The following THRB variants were observed in gnomAD, a reference collection of about 807,000 sequenced individuals.
THRB encodes the protein thyroid hormone receptor beta, also known as nuclear receptor subfamily 1 group A member 2.
THRB carries 12 observed loss-of-function variants against 47.8 expected under a neutral mutation model. That is an observed-to-expected ratio of 0.25 (90% CI 0.16 to 0.41). The LOEUF (loss-of-function observed/expected upper bound fraction) is 0.41. THRB is among the 10% of genes least tolerant of loss of function. The pLI, the probability that THRB is intolerant of heterozygous loss-of-function variation, is 1.00. For synonymous variants in THRB, 218 were observed against 212.2 expected, an observed-to-expected ratio of 1.03 and a Z score of -0.24; for missense variants, 348 against 589.2, an observed-to-expected ratio of 0.59 and a Z score of 4.24.
chr3:24,420,479 A>T (rs1447449357), intron 1 of THRB, among the ~76,000 whole-genome samples: 1 of 151,920 alleles, frequency 6.6e-6, no homozygotes, highest in Non-Finnish European at 1.5e-5. Flanking sequence ...ATTCAACCTC[A>T]GCTATTCTAC....
intron 5 of THRB, among the ~76,000 whole-genome samples, chr3:24,167,757 A>G (rs991995680): frequency 3.3e-5 from 5 of 152,138 alleles, no homozygotes; most frequent in Non-Finnish European, 7.4e-5. Context: ...AATCCAAGCA[A>G]TTTCTTGCTT....
At chr3:24,398,393 C>T (rs1460507765) in intron 1 of THRB, among the ~76,000 whole-genome samples, 2 of 152,276 alleles carry the variant, frequency 1.3e-5, no homozygotes, top group Non-Finnish European at 2.9e-5. Context: ...AAGAAAAAAA[C>T]AACCCCATCA....
intron 1 of THRB, among the ~76,000 whole-genome samples, chr3:24,466,789 C>T (rs954019721): frequency 6.6e-6 from 1 of 152,052 alleles, no homozygotes; most frequent in African/African-American, 2.4e-5. Flanking sequence ...TTATCTGAGC[C>T]TTTAGTGAGT....
chr3:24,416,372 T>C (rs2068732998), intron 1 of THRB, among the ~76,000 whole-genome samples: 1 of 151,742 alleles, frequency 6.6e-6, no homozygotes, highest in Non-Finnish European at 1.5e-5. Flanking sequence ...GATGAAGATA[T>C]CTTCAAGGGC....
chr3:24,338,996 C>A (rs1018155389), intron 1 of THRB, among the ~76,000 whole-genome samples: 3 of 152,160 alleles, frequency 2.0e-5, no homozygotes, highest in Admixed American at 6.5e-5. Context: ...GAAGCTTATT[C>A]AAAGAGGATT....
At chr3:24,420,243 T>C (rs2150280767) in intron 1 of THRB, among the ~76,000 whole-genome samples, 1 of 152,044 alleles carries the variant, frequency 6.6e-6, no homozygotes, top group East Asian at 1.9e-4. Context: ...TGGGGCCATT[T>C]GCTCAGAAGC....
At chr3:24,284,219 G>T (rs1576542470) in intron 3 of THRB, among the ~76,000 whole-genome samples, 10 of 151,036 alleles carry the variant, frequency 6.6e-5, no homozygotes, top group Admixed American at 5.3e-4. Context: ...CATGGTACTG[G>T]TACCAAAACA....
At chr3:24,286,682 C>T (rs1233530688) in intron 3 of THRB, among the ~76,000 whole-genome samples, 2 of 152,166 alleles carry the variant, frequency 1.3e-5, no homozygotes, top group African/African-American at 2.4e-5. Context: ...TGTTGAAACT[C>T]AGTTTCAAAG....
chr3:24,465,655 T>C (rs1037804046), intron 1 of THRB, among the ~76,000 whole-genome samples: 1 of 152,172 alleles, frequency 6.6e-6, no homozygotes, highest in African/African-American at 2.4e-5. Context: ...CTGCACACCT[T>C]GGCCTCCCAA....
intron 3 of THRB, among the ~76,000 whole-genome samples, chr3:24,246,714 CA>C (rs1277931583): frequency 1.3e-5 from 2 of 152,084 alleles, no homozygotes; most frequent in Non-Finnish European, 1.5e-5. Context: ...TACTTTCCCT[CA>C]AAAAATATAG....
intron 1 of THRB, among the ~76,000 whole-genome samples, chr3:24,426,590 C>G (rs543918645): frequency 1.3e-5 from 2 of 152,064 alleles, no homozygotes; most frequent in East Asian, 1.9e-4. Flanking sequence ...CCGAGATGCT[C>G]TAAGACAGGT....
rs529099599 is a variant in THRB, at chr3:24,442,622, C to T, written c.-261+52030G>A. On this transcript the variant is annotated intron_variant, in intron 1 of 10. Transcript: ENST00000646209. ...GGCAGATCACCTGAGGTCGGGAGCT[C>T]GAGACCAGCCTGACCAACATGGAGA... is the stretch of plus-strand genomic sequence containing the variant. Among the ~76,000 whole-genome samples the T allele has an allele frequency of 1.0e-3, 157 of 151,872 alleles. 1 individual carries two copies. The highest frequency in any genetic ancestry group is 6.8e-3 in the Middle Eastern group (2 of 292).
chr3:24,265,461 G>A (rs989981383), intron 3 of THRB, among the ~76,000 whole-genome samples: 3 of 152,212 alleles, frequency 2.0e-5, no homozygotes, highest in African/African-American at 7.2e-5. Context: ...AAAAATTAGT[G>A]AGGGACATAT....
chr3:24,397,759 A>C (rs1325155071), intron 1 of THRB, among the ~76,000 whole-genome samples: 1 of 151,724 alleles, frequency 6.6e-6, no homozygotes, highest in East Asian at 1.9e-4. Context: ...ATTTTTTTGT[A>C]TTTTTAGTAG....
rs577971527 is a variant in THRB at position 24,442,083 on chromosome 3, C to T, written c.-261+52569G>A. ...TGTAGTATCCTTTTTTCAGGGACTC[C>T]TGTGCTTCTAAAGGCTGGAAAGCCC... On this transcript the variant is annotated intron_variant, in intron 1 of 10. Coordinates refer to ENST00000646209, the MANE Select transcript of THRB (RefSeq NM_001354712.2). Among the ~76,000 whole-genome samples the T allele has an allele frequency of 2.6e-5, 4 of 152,168 alleles. No homozygotes were observed. In the East Asian group the frequency reaches 7.7e-4, roughly 29 times the overall value.
intron 4 of THRB, among the ~76,000 whole-genome samples, chr3:24,225,385 G>C (rs1198450647): frequency 6.6e-6 from 1 of 152,154 alleles, no homozygotes; most frequent in Admixed American, 6.5e-5. Context: ...AAACAAGCAA[G>C]TCACAAAGAA....
chr3:24,171,939 C>G (rs1427246889), intron 5 of THRB, among the ~76,000 whole-genome samples: 3 of 152,044 alleles, frequency 2.0e-5, no homozygotes, highest in Non-Finnish European at 4.4e-5. Context: ...CCTAAGTGGT[C>G]CCATAATACA....
chr3:24,337,510 C>A (rs2062335944), intron 1 of THRB, 139 bp from the exon 2 acceptor site: 1 of 152,122 alleles, frequency 6.6e-6, no homozygotes. Context: ...TGAATAGATG[C>A]AAATAGACTT....
Position 24,345,602 on chromosome 3 carries a change from TA to T in THRB, c.-260-8232del, listed in dbSNP as rs545556944. On this transcript the variant is annotated intron_variant, in intron 1 of 10. Transcript: ENST00000646209. Reference sequence around the variant, plus strand: ...AGGATTAAATTAGTAAGTTCAATATTAAAAATGTATAAAGTGCTTAGAAGAG... The same window carrying T: ...AGGATTAAATTAGTAAGTTCAATATTAAAATGTATAAAGTGCTTAGAAGAG... 1.6e-4 allele frequency among the ~76,000 whole-genome samples: 25 copies of T among 152,254 alleles called. No homozygotes were observed. The East Asian group carries it at 4.2e-3, about 26-fold the overall frequency.
Sources: gnomAD v4.1 joint callset for allele counts (sites outside exome capture counted in the v4.1 genomes callset) on GRCh38, gnomAD v4.1.1 for gene constraint, MANE v1.5 for transcripts, NCBI Gene and HGNC (gene_info 2026-07-23, HGNC 2026-07-21) for gene names.